LUZP2: variants seen among roughly 807,000 people sequenced by gnomAD.
The protein encoded by LUZP2 is leucine zipper protein 2.
In LUZP2, 52 loss-of-function variants were observed where a neutral mutation model predicts 51.6. That is an observed-to-expected ratio of 1.01 (90% CI 0.81 to 1.27). The LOEUF is 1.27. Ranked by LOEUF, LUZP2 falls within the 50% of genes most tolerant of loss-of-function variation. The pLI is 0.00. For missense variants in LUZP2, 436 were observed against 395.4 expected, an observed-to-expected ratio of 1.10 and a Z score of -0.87; for synonymous variants, 154 against 137.3, an observed-to-expected ratio of 1.12 and a Z score of -0.85.
chr11:24,718,444 A>G (rs1590394161), intron 1 of LUZP2, among the ~76,000 whole-genome samples: 1 of 152,186 alleles, frequency 6.6e-6, no homozygotes, highest in Non-Finnish European at 1.5e-5. Flanking sequence ...GGGAATTTGG[A>G]GTGTCTGTGA....
chr11:24,822,025 GT>G lies in LUZP2; in HGVS notation c.396+58728del, dbSNP rs563790075. ...ACAGTTTACTTAATATTATGCAGGG[GT>G]TTTTTTTTTTGGCCTTTGAATAATT... is the stretch of plus-strand genomic sequence containing the variant. On this transcript the variant is annotated intron_variant, in intron 5 of 11. Coordinates refer to ENST00000336930, the MANE Select transcript of LUZP2 (RefSeq NM_001009909.4). Among the ~76,000 whole-genome samples the G allele has an allele frequency of 9.5e-3, 1,363 of 143,026 alleles. 10 individuals are homozygous for G. The highest frequency in any genetic ancestry group is 0.057 in the Middle Eastern group (16 of 280). 93.8% of individuals were successfully genotyped at this position (143,026 alleles called of 152,430 possible). A position where few individuals can be genotyped will look rare whatever the true frequency, so the allele number is the denominator to read the frequency against.
chr11:25,008,400 G>A lies in LUZP2; in HGVS notation c.765+25107G>A, dbSNP rs115045800. ...CTGAGCCCAACACCCACAGTGCAGCGAATGGGATGGCAGGGGGAATTGAGG... is the reference window on the plus strand; with the variant it reads ...CTGAGCCCAACACCCACAGTGCAGCAAATGGGATGGCAGGGGGAATTGAGG... On this transcript the variant is annotated intron_variant, in intron 9 of 11. Coordinates refer to ENST00000336930, the MANE Select transcript of LUZP2 (RefSeq NM_001009909.4). Among the ~76,000 whole-genome samples, 168 of 152,324 alleles carry A rather than the reference G, an allele frequency of 1.1e-3. 2 individuals carry two copies. Among genetic ancestry groups the A allele is most frequent in the African/African-American group, 3.8e-3 (157 of 41,582 alleles).
intron 9 of LUZP2, among the ~76,000 whole-genome samples, chr11:25,038,516 A>G (rs1857933599): frequency 6.6e-6 from 1 of 152,198 alleles, no homozygotes; most frequent in African/African-American, 2.4e-5. Context: ...GGTCTTTCTA[A>G]AAATGGCAGT....
chr11:25,030,888 A>AT (rs1857627570), intron 9 of LUZP2, among the ~76,000 whole-genome samples: 4 of 10,992 alleles, frequency 3.6e-4, no homozygotes, highest in African/African-American at 9.1e-4. Context: ...GTTACTATAT[A>AT]TATTATATAT....
At chr11:24,513,191 C>T (rs1850365633) in intron 1 of LUZP2, among the ~76,000 whole-genome samples, 1 of 152,124 alleles carries the variant, frequency 6.6e-6, no homozygotes, top group Non-Finnish European at 1.5e-5. Flanking sequence ...GCTAATATCA[C>T]AAATTTCTCC....
intron 8 of LUZP2, among the ~76,000 whole-genome samples, chr11:24,977,667 A>G (rs1590796859): frequency 6.6e-6 from 1 of 151,692 alleles, no homozygotes; most frequent in Admixed American, 6.6e-5. Context: ...TGCTTTACAT[A>G]TGTATGTATA....
intron 9 of LUZP2, among the ~76,000 whole-genome samples, chr11:25,025,557 G>A (rs945922876): frequency 2.6e-5 from 4 of 151,894 alleles, no homozygotes; most frequent in Admixed American, 2.6e-4. Context: ...GCTCATCACT[G>A]GTCATCAGAG....
chr11:24,936,467 A>T (rs1017822231), intron 7 of LUZP2, among the ~76,000 whole-genome samples: 1 of 152,188 alleles, frequency 6.6e-6, no homozygotes, highest in South Asian at 2.1e-4. Flanking sequence ...TACTCAATAG[A>T]GGCTTATCTC....
intron 4 of LUZP2, among the ~76,000 whole-genome samples, chr11:24,753,500 T>C (rs1022822897): frequency 2.0e-5 from 3 of 152,136 alleles, no homozygotes; most frequent in Non-Finnish European, 2.9e-5. Flanking sequence ...GAGTCCTATT[T>C]AGTATGAGTT....
intron 4 of LUZP2, among the ~76,000 whole-genome samples, chr11:24,762,302 A>G (rs1471749153): frequency 6.6e-6 from 1 of 152,208 alleles, no homozygotes; most frequent in Non-Finnish European, 1.5e-5. Flanking sequence ...GCTATTGAGC[A>G]TTAGAAATAT....
chr11:24,857,941 G>A (rs1274952405), intron 5 of LUZP2, among the ~76,000 whole-genome samples: 2 of 152,088 alleles, frequency 1.3e-5, no homozygotes, highest in Non-Finnish European at 1.5e-5. Context: ...TTCACACATG[G>A]AATTCAAGTG....
rs543274015 is a variant in LUZP2, at chr11:24,832,500, G to A, written c.396+69192G>A. ...ACATAAAATATATTATTACATACCA[G>A]AATGTAGTTTTCTATAATATCTTGT... is the stretch of plus-strand genomic sequence containing the variant. On this transcript the variant is annotated intron_variant, in intron 5 of 11. Coordinates refer to ENST00000336930, the MANE Select transcript of LUZP2 (RefSeq NM_001009909.4). Among the ~76,000 whole-genome samples, 4 of 151,820 alleles carry A rather than the reference G, an allele frequency of 2.6e-5. No homozygotes were observed. In the South Asian group the frequency reaches 8.3e-4, roughly 31 times the overall value.
intron 10 of LUZP2, among the ~76,000 whole-genome samples, chr11:25,057,283 G>A (rs1191800199): frequency 6.6e-6 from 1 of 152,006 alleles, no homozygotes; most frequent in Non-Finnish European, 1.5e-5. Flanking sequence ...AGATATCTTT[G>A]TTGCTTTGTT....
At chr11:24,832,570 T>TAA (rs11396010) in intron 5 of LUZP2, among the ~76,000 whole-genome samples, 1 of 151,556 alleles carries the variant, frequency 6.6e-6, no homozygotes, top group Non-Finnish European at 1.5e-5. Context: ...AAATATAACT[T>TAA]AAAAATATGC....
intron 1 of LUZP2, among the ~76,000 whole-genome samples, chr11:24,501,886 T>A (rs1479220697): frequency 1.3e-5 from 2 of 152,226 alleles, no homozygotes; most frequent in African/African-American, 4.8e-5. Context: ...GAGTTAATAA[T>A]GCCAATTAAG....
At chr11:24,967,855 G>A (rs1855632879) in intron 7 of LUZP2, among the ~76,000 whole-genome samples, 1 of 151,890 alleles carries the variant, frequency 6.6e-6, no homozygotes, top group South Asian at 2.1e-4. Flanking sequence ...CTAGATATTG[G>A]TTATCATCAT....
At chr11:24,889,909 T>G (rs1285252575) in intron 5 of LUZP2, among the ~76,000 whole-genome samples, 1 of 152,192 alleles carries the variant, frequency 6.6e-6, no homozygotes, top group East Asian at 1.9e-4. Context: ...TTTCCTGTGC[T>G]CATCCAGGTG....
intron 5 of LUZP2, among the ~76,000 whole-genome samples, chr11:24,872,776 A>G (rs1852122651): frequency 6.6e-6 from 1 of 152,156 alleles, no homozygotes; most frequent in South Asian, 2.1e-4. Flanking sequence ...GCATTTGCAC[A>G]TTCTTTGTTT....
intron 3 of LUZP2, among the ~76,000 whole-genome samples, chr11:24,734,769 G>A (rs1463835506): frequency 6.6e-6 from 1 of 151,846 alleles, no homozygotes; most frequent in South Asian, 2.1e-4. Flanking sequence ...TATCACCTTT[G>A]GTTATCAAAA....
Sources: gnomAD v4.1 joint callset for allele counts (sites outside exome capture counted in the v4.1 genomes callset) on GRCh38, gnomAD v4.1.1 for gene constraint, MANE v1.5 for transcripts, NCBI Gene and HGNC (gene_info 2026-07-23, HGNC 2026-07-21) for gene names.